Variants in ORC1 observed in about 807,000 individuals in gnomAD.
ORC1 encodes the protein origin recognition complex subunit 1.
Under a neutral mutation model 98.9 loss-of-function variants are expected in ORC1, and 61 were observed. That is an observed-to-expected ratio of 0.62 (90% CI 0.50 to 0.76). ORC1 has a LOEUF of 0.76. ORC1 is among the 30% of genes least tolerant of loss of function. The pLI is 0.00. For synonymous variants in ORC1, 385 were observed against 406.9 expected, an observed-to-expected ratio of 0.95 and a Z score of 0.65; for missense variants, 979 against 1,072.2, an observed-to-expected ratio of 0.91 and a Z score of 1.21.
chr1:52,375,936 C>T (rs931152459), intron 14 of ORC1, among the ~76,000 whole-genome samples: 1 of 152,156 alleles, frequency 6.6e-6, no homozygotes, highest in African/African-American at 2.4e-5. Flanking sequence ...TAGAGACAGA[C>T]GTGTGCCCCC....
At chr1:52,380,111 C>T (rs1647041840) in intron 14 of ORC1, among the ~76,000 whole-genome samples, 1 of 152,168 alleles carries the variant, frequency 6.6e-6, no homozygotes, top group African/African-American at 2.4e-5. Context: ...GCCCCTCATT[C>T]CCAGAACACT....
chr1:52,384,743 C>T (rs374581940), intron 10 of ORC1, 22 bp from the exon 11 acceptor site: 67 of 1,606,398 alleles, frequency 4.2e-5, no homozygotes, highest in Middle Eastern at 1.8e-4. Context: ...GAGGAAAACC[C>T]GTGGGGTAGG....
At chr1:52,406,632 C>A (rs1159669325), upstream of ORC1, among the ~76,000 whole-genome samples, 1 of 152,188 alleles carries the variant, frequency 6.6e-6, no homozygotes, top group African/African-American at 2.4e-5. Context: ...CTGAACACAG[C>A]ACTTGCTGCA....
At chr1:52,374,749 C>T (rs2147908344) in intron 16 of ORC1, 61 bp downstream of exon 16, 1 of 1,123,276 alleles carries the variant, frequency 8.9e-7, no homozygotes, top group East Asian at 2.4e-5. Context: ...ATGGAAATTT[C>T]CATGTATTTT....
chr1:52,400,566 G>T (rs1647656162), intron 3 of ORC1, among the ~76,000 whole-genome samples: 1 of 152,198 alleles, frequency 6.6e-6, no homozygotes. Context: ...ACTACCACAG[G>T]ATTACCTAAT....
chr1:52,378,190 CA>C (rs996881230), intron 14 of ORC1, among the ~76,000 whole-genome samples: 2 of 151,940 alleles, frequency 1.3e-5, no homozygotes, highest in African/African-American at 4.8e-5. Context: ...ACTAAAAATA[CA>C]AAAAATTAGC....
chr1:52,385,926 A>G lies in ORC1; in HGVS notation c.1407T>C (p.Cys469=), dbSNP rs1430659052. The G allele has an allele frequency of 6.2e-7, 1 of 1,613,584 alleles. No individual in the cohort carries two copies. The highest frequency in any genetic ancestry group is 1.7e-5 in the Admixed American group (1 of 60,008). ...TTCGACTACGGATCTGAGGAGCGGCACAACGTGGCGTTCTAGGCTTGAGCT... is the reference window on the plus strand; with the variant it reads ...TTCGACTACGGATCTGAGGAGCGGCGCAACGTGGCGTTCTAGGCTTGAGCT... ...KKSLKPRTPR[C]AAPQIRSRSL... is the part of the protein sequence containing the mutation. Residue 469 remains cysteine (C), a synonymous_variant, in exon 9 of 17, where the codon TGT becomes TGC. Transcript: ENST00000371568.
chr1:52,399,949 C>T lies in ORC1; in HGVS notation c.223+1413G>A, dbSNP rs553958484. Reference sequence around the variant, plus strand: ...ACTCCGTACCAGCAATAGCTCCAACCGAAAGAACACTCATTAGTGCCTCAT... The same window carrying T: ...ACTCCGTACCAGCAATAGCTCCAACTGAAAGAACACTCATTAGTGCCTCAT... On this transcript the variant is annotated intron_variant, in intron 3 of 16. Coordinates refer to ENST00000371568, the MANE Select transcript of ORC1 (RefSeq NM_004153.4). Among the ~76,000 whole-genome samples the T allele has an allele frequency of 1.8e-4, 28 of 152,232 alleles. 1 individual carries two copies. Among genetic ancestry groups the T allele is most frequent in the African/African-American group, 5.8e-4 (24 of 41,524 alleles).
chr1:52,373,544 G>C lies in ORC1; in HGVS notation c.2392-169C>G, dbSNP rs1646960932. ...GGTACACAAAATGCAGAGGCAGAAT[G>C]GAATGCTAGCCTTGGAATCAGAAAA... On this transcript the variant is annotated intron_variant, in intron 16 of 16. Transcript: ENST00000371568. 1.3e-5 allele frequency among the ~76,000 whole-genome samples: 2 copies of C among 152,184 alleles called. 1 individual carries two copies. The highest frequency in any genetic ancestry group is 4.1e-4 in the South Asian group (2 of 4,836).
intron 14 of ORC1, among the ~76,000 whole-genome samples, chr1:52,380,934 T>C (rs538296134): frequency 1.2e-4 from 19 of 152,320 alleles, no homozygotes; most frequent in African/African-American, 4.3e-4. Flanking sequence ...GTCACAGTCA[T>C]GTGCTGCTGC....
chr1:52,396,859 ATTAC>A (rs1163719992), intron 4 of ORC1, among the ~76,000 whole-genome samples: 3 of 152,126 alleles, frequency 2.0e-5, no homozygotes, highest in Admixed American at 2.0e-4. Flanking sequence ...GCAAGACCAA[ATTAC>A]TTAAACTAAT....
chr1:52,391,189 G>A (rs1031513047), intron 6 of ORC1, among the ~76,000 whole-genome samples: 7 of 149,714 alleles, frequency 4.7e-5, no homozygotes, highest in African/African-American at 1.2e-4. Context: ...CGCGCTGGTA[G>A]TCCCAGCTAC....
chr1:52,400,533 A>G (rs1434029596), intron 3 of ORC1, among the ~76,000 whole-genome samples: 5 of 152,220 alleles, frequency 3.3e-5, no homozygotes, highest in African/African-American at 9.6e-5. Context: ...TCAGTCTATC[A>G]GTTCCTTCTC....
upstream of ORC1, chr1:52,404,495 C>T (rs2147951698): frequency 5.5e-6 from 2 of 361,334 alleles, no homozygotes; most frequent in Non-Finnish European, 5.1e-6. Flanking sequence ...CACCAACTAG[C>T]TCGCCCCGCC....
chr1:52,405,693 C>G, upstream of ORC1: 1 of 1,613,118 alleles, frequency 6.2e-7, no homozygotes, highest in Non-Finnish European at 8.5e-7. Flanking sequence ...AACTTGTAGT[C>G]GATAAAGCCA....
At chr1:52,390,853 T>C (rs147093969) in intron 6 of ORC1, among the ~76,000 whole-genome samples, 111 of 142,270 alleles carry the variant, frequency 7.8e-4, no homozygotes, top group African/African-American at 2.7e-3. Flanking sequence ...GATCGTGCCA[T>C]TGCACTCCAG....
chr1:52,391,735 CT>C (rs1647215593), intron 6 of ORC1, among the ~76,000 whole-genome samples: 1 of 151,850 alleles, frequency 6.6e-6, no homozygotes, highest in Non-Finnish European at 1.5e-5. Context: ...CCCACCTCTA[CT>C]AAAATACAAA....
upstream of ORC1, among the ~76,000 whole-genome samples, chr1:52,406,509 T>G (rs1460880265): frequency 6.6e-6 from 1 of 151,894 alleles, no homozygotes; most frequent in Non-Finnish European, 1.5e-5. Flanking sequence ...ACATCCAGAT[T>G]CTGTTGCCCA....
upstream of ORC1, among the ~76,000 whole-genome samples, chr1:52,405,440 T>C (rs1253216532): frequency 6.6e-6 from 1 of 152,256 alleles, no homozygotes; most frequent in African/African-American, 2.4e-5. Context: ...TTGCTAGAAC[T>C]TTCTTCATGA....
Sources: gnomAD v4.1 joint callset for allele counts (sites outside exome capture counted in the v4.1 genomes callset) on GRCh38, gnomAD v4.1.1 for gene constraint, MANE v1.5 for transcripts, NCBI Gene and HGNC (gene_info 2026-07-23, HGNC 2026-07-21) for gene names.